Variants in MAML3 observed in about 807,000 individuals in gnomAD.
MAML3 encodes the protein mastermind-like protein 3.
A neutral mutation model predicts 101.9 loss-of-function variants in MAML3; 27 were observed. The observed-to-expected ratio is 0.27, with a 90% confidence interval of 0.20 to 0.37. MAML3 has a LOEUF of 0.37. MAML3 is among the 10% of genes least tolerant of loss of function. MAML3 has a pLI of 1.00. For synonymous variants in MAML3, 501 were observed against 555.9 expected (o/e 0.90, Z 1.39); for missense variants, 1,316 against 1,444.9 (o/e 0.91, Z 1.45).
rs369602172 is a variant in MAML3 at position 140,122,220 on chromosome 4, C to CTTTTTT, written c.468+30634_468+30639dup. 4.8e-5 allele frequency among the ~76,000 whole-genome samples: 6 copies of CTTTTTT among 124,612 alleles called. 3 individuals are homozygous for CTTTTTT. The highest frequency in any genetic ancestry group is 6.1e-5 in the African/African-American group (2 of 32,794). The allele number at this position is 124,612 out of a possible 152,430, so 81.8% of individuals were successfully genotyped here. A position where few individuals can be genotyped will look rare whatever the true frequency, so the allele number is the denominator to read the frequency against. On this transcript the variant is annotated intron_variant, in intron 1 of 4. Transcript: ENST00000509479. ...TTCTCACAGGAATAATCAAACGAGA[C>CTTTTTT]TTTTTTTTTTTTTTTTTTTAAACAG...
chr4:139,980,159 C>A (rs1287097850), intron 1 of MAML3, among the ~76,000 whole-genome samples: 1 of 152,198 alleles, frequency 6.6e-6, no homozygotes, highest in Non-Finnish European at 1.5e-5. Context: ...TTCAGACAAG[C>A]CTCTTTATCT....
rs1486656582 is a variant in MAML3 at position 140,153,180 on chromosome 4, C to T, written c.148G>A (p.Ala50Thr). 1.3e-6 allele frequency: 2 copies of T among 1,552,344 alleles called. No homozygotes were observed. The highest frequency in any genetic ancestry group is 1.7e-6 in the Non-Finnish European group (2 of 1,147,622). Residue 50 changes from alanine (A) to threonine (T), a missense_variant, in exon 1 of 5, where the codon GCA becomes ACA. Physicochemically the swap from Ala to Thr is moderately conservative, Grantham distance 58. Coordinates refer to ENST00000509479, the MANE Select transcript of MAML3 (RefSeq NM_018717.5). ...CCGGAGCCGCCGCATCCACCGGCTGCCGGGTGATTGCTACTCGGAGCAGCG... is the reference window on the plus strand; with the variant it reads ...CCGGAGCCGCCGCATCCACCGGCTGTCGGGTGATTGCTACTCGGAGCAGCG... ...TPAAPSSNHP[A>T]AGGCGGSGGP...
intron 1 of MAML3, chr4:140,134,535 G>GA (rs1728851258): frequency 2.8e-6 from 1 of 358,662 alleles, no homozygotes; most frequent in Non-Finnish European, 5.5e-6. Context: ...ACTAAAGCCT[G>GA]AAAAAATATC....
In MAML3 at chr4:139,867,102, C is replaced by T. The variant is rs74916383; in HGVS notation, c.2079+22255G>A. On this transcript the variant is annotated intron_variant, in intron 2 of 4. Coordinates refer to ENST00000509479, the MANE Select transcript of MAML3 (RefSeq NM_018717.5). ...AAAGTCAGTTTTTGTAAATGGAATC[C>T]GATTTTAATGATACTGGGAAAGTTG... is the stretch of plus-strand genomic sequence containing the variant. 3.4e-3 allele frequency among the ~76,000 whole-genome samples: 514 copies of T among 152,230 alleles called. 8 individuals are homozygous for T. Among genetic ancestry groups the T allele is most frequent in the South Asian group, 0.033 (160 of 4,818 alleles).
intron 1 of MAML3, among the ~76,000 whole-genome samples, chr4:140,149,939 C>CTTTTTTTTTT (rs3051828): frequency 1.5e-5 from 2 of 129,890 alleles, no homozygotes; most frequent in African/African-American, 2.8e-5. Flanking sequence ...ATGTTTCTTT[C>CTTTTTTTTTT]TTTTTTTTTT....
chr4:139,859,966 G>T (rs900058818), intron 2 of MAML3, among the ~76,000 whole-genome samples: 3 of 152,234 alleles, frequency 2.0e-5, no homozygotes, highest in African/African-American at 4.8e-5. Context: ...CGGAGTGACC[G>T]GACGAAGGCG....
intron 2 of MAML3, among the ~76,000 whole-genome samples, chr4:139,801,774 A>C (rs1029217851): frequency 3.3e-5 from 5 of 152,106 alleles, no homozygotes; most frequent in African/African-American, 4.8e-5. Context: ...GCTTAGGATC[A>C]GCAGCAGACA....
At chr4:139,770,541 G>A (rs1729954855) in intron 2 of MAML3, among the ~76,000 whole-genome samples, 1 of 152,188 alleles carries the variant, frequency 6.6e-6, no homozygotes, top group Non-Finnish European at 1.5e-5. Flanking sequence ...GATTGGTGGT[G>A]GCTGAGCTGA....
intron 1 of MAML3, among the ~76,000 whole-genome samples, chr4:140,080,483 G>A (rs1469792135): frequency 6.6e-6 from 1 of 152,182 alleles, no homozygotes; most frequent in South Asian, 2.1e-4. Flanking sequence ...AGGAACATTC[G>A]AGCACATGAT....
chr4:139,770,570 A>T (rs1451969686), intron 2 of MAML3, among the ~76,000 whole-genome samples: 1 of 152,190 alleles, frequency 6.6e-6, no homozygotes, highest in Non-Finnish European at 1.5e-5. Context: ...AGAATAGGAT[A>T]CTGATGTCAG....
At chr4:140,077,823 T>C (rs1030398431) in intron 1 of MAML3, among the ~76,000 whole-genome samples, 1 of 151,984 alleles carries the variant, frequency 6.6e-6, no homozygotes, top group Non-Finnish European at 1.5e-5. Context: ...TTCAAGACCA[T>C]CCCAGCCAAC....
intron 2 of MAML3, among the ~76,000 whole-genome samples, chr4:139,852,834 T>G (rs1731583054): frequency 6.6e-6 from 1 of 152,238 alleles, no homozygotes; most frequent in Admixed American, 6.5e-5. Context: ...CCTTTCTCAC[T>G]GACTCAGCCA....
intron 2 of MAML3, among the ~76,000 whole-genome samples, chr4:139,784,217 G>A (rs1485536900): frequency 6.6e-6 from 1 of 152,210 alleles, no homozygotes; most frequent in Non-Finnish European, 1.5e-5. Context: ...CCAGCTGCCC[G>A]CAAGCCGACC....
At chr4:140,052,841 C>A (rs1202236514) in intron 1 of MAML3, among the ~76,000 whole-genome samples, 1 of 152,030 alleles carries the variant, frequency 6.6e-6, no homozygotes, top group Non-Finnish European at 1.5e-5. Context: ...GGCAAAAAAA[C>A]CCATATATTT....
intron 1 of MAML3, among the ~76,000 whole-genome samples, chr4:140,106,306 T>C (rs1474490755): frequency 6.6e-6 from 1 of 152,158 alleles, no homozygotes; most frequent in East Asian, 1.9e-4. Context: ...AGAAATACTC[T>C]TTTCCTTCTA....
chr4:139,954,220 G>C (rs1436268050), intron 1 of MAML3, among the ~76,000 whole-genome samples: 1 of 152,302 alleles, frequency 6.6e-6, no homozygotes, highest in African/African-American at 2.4e-5. Context: ...AAACGTGTCT[G>C]CTGAGACTAG....
At chr4:140,109,011 A>G (rs947899271) in intron 1 of MAML3, among the ~76,000 whole-genome samples, 2 of 152,198 alleles carry the variant, frequency 1.3e-5, no homozygotes, top group African/African-American at 2.4e-5. Context: ...ACAAGACTGC[A>G]TGGCTAAATG....
intron 1 of MAML3, among the ~76,000 whole-genome samples, chr4:139,907,752 T>A (rs910700581): frequency 6.6e-6 from 1 of 152,208 alleles, no homozygotes; most frequent in Non-Finnish European, 1.5e-5. Context: ...CCTTCATGCA[T>A]AACACTTGTC....
intron 2 of MAML3, among the ~76,000 whole-genome samples, chr4:139,762,695 A>AG (rs1729781129): frequency 6.6e-6 from 1 of 152,298 alleles, no homozygotes; most frequent in South Asian, 2.1e-4. Context: ...GTGTCACATG[A>AG]GGCTCCATCG....
Sources: gnomAD v4.1 joint callset for allele counts (sites outside exome capture counted in the v4.1 genomes callset) on GRCh38, gnomAD v4.1.1 for gene constraint, MANE v1.5 for transcripts, NCBI Gene and HGNC (gene_info 2026-07-23, HGNC 2026-07-21) for gene names.